Variants in ADGRL2 observed in about 807,000 individuals in gnomAD.
The protein encoded by ADGRL2 is adhesion G protein-coupled receptor L2, also known as calcium-independent alpha-latrotoxin receptor 2.
A neutral mutation model predicts 157.4 loss-of-function variants in ADGRL2; 44 were observed. The observed-to-expected ratio is 0.28, with a 90% CI of 0.22 to 0.36. The LOEUF is 0.36. Ranked by LOEUF, ADGRL2 falls within the 10% of genes least tolerant of loss-of-function variation. The pLI is 1.00. For synonymous variants in ADGRL2, 585 were observed against 624.7 expected, an observed-to-expected ratio of 0.94 and a Z score of 0.95; for missense variants, 1,510 against 1,768.9, an observed-to-expected ratio of 0.85 and a Z score of 2.63.
At chr1:81,977,097 A>G (rs1660386224) in intron 17 of ADGRL2, among the ~76,000 whole-genome samples, 1 of 151,852 alleles carries the variant, frequency 6.6e-6, no homozygotes, top group Non-Finnish European at 1.5e-5. Context: ...CAGTATATTG[A>G]ATCCCAGCCC....
rs1661203713 is a variant in ADGRL2 at position 81,979,974 on chromosome 1, A to G, written c.3113+14A>G. On this transcript the variant is annotated intron_variant, in intron 18 of 23. Coordinates refer to ENST00000686636, the MANE Select transcript of ADGRL2 (RefSeq NM_001366006.2). ...GGAAAACATTAAGTAAGTATTTTGT[A>G]TTTTAATTTTAATACTTGACAAACT... 1.5e-6 allele frequency: 2 copies of G among 1,358,322 alleles called. No individual in the cohort carries two copies. Among genetic ancestry groups the G allele is most frequent in the Non-Finnish European group, 1.1e-6 (1 of 950,238 alleles). The allele number at this position is 1,358,322 out of a possible 1,614,324, so 84.1% of individuals were successfully genotyped here.
chr1:81,680,601 C>T (rs1417836110), intron 3 of ADGRL2, among the ~76,000 whole-genome samples: 1 of 151,970 alleles, frequency 6.6e-6, no homozygotes, highest in Non-Finnish European at 1.5e-5. Flanking sequence ...TAATGAAAGG[C>T]AGCCTTCTTC....
Position 81,993,839 on chromosome 1 carries a change from T to C in ADGRL2, c.*2694T>C, listed in dbSNP as rs1409647241. Among the ~76,000 whole-genome samples, 2 of 152,132 alleles carry C rather than the reference T, an allele frequency of 1.3e-5. No individual in the cohort carries two copies. The highest frequency in any genetic ancestry group is 2.9e-5 in the Non-Finnish European group (2 of 68,026). ...TTTGTGATAGTCACAACTGTGAACT[T>C]ATAAAGTCACATTTTTAAAGTTCTT... On this transcript the variant is annotated 3_prime_UTR_variant, in exon 24 of 24. Transcript: ENST00000686636.
At chr1:81,818,150 A>C (rs2090607111) in intron 1 of ADGRL2, among the ~76,000 whole-genome samples, 1 of 151,238 alleles carries the variant, frequency 6.6e-6, no homozygotes, top group South Asian at 2.1e-4. Flanking sequence ...AACCTGGGCA[A>C]CAGACCTCTC....
chr1:81,835,599 C>T (rs910623332), intron 1 of ADGRL2, among the ~76,000 whole-genome samples: 1 of 152,014 alleles, frequency 6.6e-6, no homozygotes, highest in Non-Finnish European at 1.5e-5. Context: ...ATTTTGGATA[C>T]ATCATTCTTT....
chr1:81,898,762 A>G (rs1254091100), intron 2 of ADGRL2, among the ~76,000 whole-genome samples: 2 of 152,206 alleles, frequency 1.3e-5, no homozygotes, highest in Non-Finnish European at 2.9e-5. Context: ...CTAAGTTAAG[A>G]TGAAATTGAA....
At chr1:81,596,061 A>G (rs2081226939) in intron 3 of ADGRL2, 1 of 333,642 alleles carries the variant, frequency 3.0e-6, no homozygotes. Flanking sequence ...TCACCTACTG[A>G]AAGTCTCACC....
chr1:81,354,550 C>T (rs1663138620), intron 1 of ADGRL2, among the ~76,000 whole-genome samples: 1 of 152,270 alleles, frequency 6.6e-6, no homozygotes, highest in East Asian at 1.9e-4. Flanking sequence ...TCCCAAAATG[C>T]CTTCCCACTA....
At chr1:81,792,007 T>C (rs185956619) in intron 2 of ADGRL2, among the ~76,000 whole-genome samples, 1 of 152,354 alleles carries the variant, frequency 6.6e-6, no homozygotes, top group African/African-American at 2.4e-5. Context: ...TAGTTTTGTA[T>C]ATTCTTGTTT....
At chr1:81,960,391 G>A (rs1654948793) in intron 11 of ADGRL2, among the ~76,000 whole-genome samples, 1 of 151,828 alleles carries the variant, frequency 6.6e-6, no homozygotes. Flanking sequence ...ATTTCCTTGT[G>A]ATTTTCAGAT....
intron 1 of ADGRL2, among the ~76,000 whole-genome samples, chr1:81,360,848 A>T (rs1464658680): frequency 6.6e-6 from 1 of 152,008 alleles, no homozygotes; most frequent in East Asian, 1.9e-4. Flanking sequence ...TAAGCTTGAA[A>T]TAATGTAAGA....
intron 1 of ADGRL2, among the ~76,000 whole-genome samples, chr1:81,425,804 A>T (rs2101579740): frequency 6.6e-6 from 1 of 152,358 alleles, no homozygotes; most frequent in East Asian, 1.9e-4. Context: ...GGGGAGAAAA[A>T]GTAATACATG....
chr1:81,766,835 A>G (rs1306953739), intron 2 of ADGRL2, among the ~76,000 whole-genome samples: 31 of 129,202 alleles, frequency 2.4e-4, no homozygotes, highest in African/African-American at 9.6e-4. Context: ...CGTCTCAAAA[A>G]AAAAAAAAAA....
intron 2 of ADGRL2, among the ~76,000 whole-genome samples, chr1:81,535,757 C>T (rs183960114): frequency 3.3e-5 from 5 of 152,166 alleles, no homozygotes; most frequent in Admixed American, 3.3e-4. Flanking sequence ...TGATGATAAA[C>T]AGTTATTTAG....
intron 3 of ADGRL2, among the ~76,000 whole-genome samples, chr1:81,663,229 A>G (rs746060740): frequency 6.6e-6 from 1 of 152,080 alleles, no homozygotes; most frequent in South Asian, 2.1e-4. Context: ...AGAGGAGACT[A>G]GGAGTCTTCA....
chr1:81,610,392 T>C (rs1557504070), intron 3 of ADGRL2, among the ~76,000 whole-genome samples: 1 of 152,068 alleles, frequency 6.6e-6, no homozygotes, highest in Non-Finnish European at 1.5e-5. Context: ...GAGGTTCAAA[T>C]GCAAAAGTGA....
chr1:81,569,097 G>C (rs2080627983), intron 2 of ADGRL2, among the ~76,000 whole-genome samples: 1 of 151,910 alleles, frequency 6.6e-6, no homozygotes, highest in South Asian at 2.1e-4. Flanking sequence ...CAAATAAAAG[G>C]TTTGAAAGAA....
chr1:81,832,332 A>G (rs2092001433), intron 1 of ADGRL2, among the ~76,000 whole-genome samples: 1 of 152,154 alleles, frequency 6.6e-6, no homozygotes, highest in South Asian at 2.1e-4. Flanking sequence ...TTTAGTAGAG[A>G]CGGGGTTTCA....
At chr1:81,785,581 AGCTGGGCATGATG>A (rs2087004658) in intron 2 of ADGRL2, among the ~76,000 whole-genome samples, 1 of 152,012 alleles carries the variant, frequency 6.6e-6, no homozygotes, top group Non-Finnish European at 1.5e-5. Flanking sequence ...ATTAAAAATC[AGCTGGGCATGATG>A]GTGCGCACCT....
Sources: gnomAD v4.1 joint callset for allele counts (sites outside exome capture counted in the v4.1 genomes callset) on GRCh38, gnomAD v4.1.1 for gene constraint, MANE v1.5 for transcripts, NCBI Gene and HGNC (gene_info 2026-07-23, HGNC 2026-07-21) for gene names.